RBMS3: variants seen among roughly 807,000 people sequenced by gnomAD.
RBMS3 encodes RNA-binding motif, single-stranded-interacting protein 3.
Under a neutral mutation model 66.8 loss-of-function variants are expected in RBMS3, and 27 were observed. That is an observed-to-expected ratio of 0.40 (90% confidence interval 0.30 to 0.56). The LOEUF (loss-of-function observed/expected upper bound fraction) is 0.56. Ranked by LOEUF, RBMS3 falls within the 20% of genes least tolerant of loss-of-function variation. RBMS3 has a pLI of 0.40. For synonymous variants in RBMS3, 188 were observed against 183.0 expected (o/e 1.03, Z -0.22); for missense variants, 513 against 549.5 (o/e 0.93, Z 0.66).
chr3:29,928,370 A>T (rs200382272), intron 10 of RBMS3, among the ~76,000 whole-genome samples: 1 of 151,020 alleles, frequency 6.6e-6, no homozygotes, highest in Non-Finnish European at 1.5e-5. Flanking sequence ...TTTTCTTTCT[A>T]AAAAAAGTAT....
At chr3:29,706,892 G>A (rs2052921483) in intron 4 of RBMS3, among the ~76,000 whole-genome samples, 1 of 152,140 alleles carries the variant, frequency 6.6e-6, no homozygotes, top group African/African-American at 2.4e-5. Flanking sequence ...TTCTTGGAGT[G>A]GAAGGAAAGG....
chr3:29,574,917 T>C (rs1184918395), intron 3 of RBMS3, among the ~76,000 whole-genome samples: 1 of 152,088 alleles, frequency 6.6e-6, no homozygotes, highest in African/African-American at 2.4e-5. Flanking sequence ...TTTTAACTTT[T>C]TGTTATTTCT....
At chr3:29,919,735 C>T (rs183379804) in intron 10 of RBMS3, among the ~76,000 whole-genome samples, 69 of 152,278 alleles carry the variant, frequency 4.5e-4, no homozygotes, top group Non-Finnish European at 8.2e-4. Flanking sequence ...ATTCTAGCTG[C>T]GGATTCCATT....
intron 1 of RBMS3, among the ~76,000 whole-genome samples, chr3:29,291,318 G>A (rs2032796309): frequency 6.6e-6 from 1 of 151,870 alleles, no homozygotes; most frequent in Non-Finnish European, 1.5e-5. Context: ...AAATATCTCT[G>A]TATTTTAGTA....
chr3:29,884,374 T>C (rs1374466060), intron 8 of RBMS3, 166 bp downstream of exon 8: 4 of 583,190 alleles, frequency 6.9e-6, no homozygotes, highest in Non-Finnish European at 1.2e-5. Context: ...TCCTATAAAT[T>C]ATTCTGACCT....
intron 1 of RBMS3, among the ~76,000 whole-genome samples, chr3:29,408,728 G>A (rs1361717082): frequency 2.0e-5 from 3 of 152,150 alleles, no homozygotes; most frequent in Non-Finnish European, 4.4e-5. Flanking sequence ...GTTATATTGT[G>A]TAATCGCTGT....
intron 10 of RBMS3, among the ~76,000 whole-genome samples, chr3:29,929,337 G>C (rs377360160): frequency 6.6e-6 from 1 of 152,044 alleles, no homozygotes. Context: ...AGGCACAAAC[G>C]TCTAAAGGAT....
chr3:29,564,533 G>A (rs1439400239), intron 3 of RBMS3, among the ~76,000 whole-genome samples: 1 of 150,984 alleles, frequency 6.6e-6, no homozygotes, highest in African/African-American at 2.4e-5. Context: ...GTTACCTTAT[G>A]TACAAATTGG....
At chr3:29,770,170 C>T (rs1030381190) in intron 6 of RBMS3, among the ~76,000 whole-genome samples, 2 of 151,884 alleles carry the variant, frequency 1.3e-5, no homozygotes, top group East Asian at 3.9e-4. Context: ...GCCACTGGAG[C>T]TAGTTAAGCA....
intron 1 of RBMS3, among the ~76,000 whole-genome samples, chr3:29,323,726 A>ACACACACACACC (rs71091051): frequency 1.3e-4 from 18 of 140,604 alleles, no homozygotes; most frequent in Admixed American, 7.0e-4. Flanking sequence ...ACACACACAC[A>ACACACACACACC]CCCCTTGGAC....
intron 1 of RBMS3, among the ~76,000 whole-genome samples, chr3:29,367,996 C>T (rs955067302): frequency 5.9e-5 from 9 of 152,136 alleles, no homozygotes; most frequent in African/African-American, 1.9e-4. Context: ...AACATTGCTA[C>T]ATCTTTCTTT....
chr3:29,444,160 A>G (rs1401441129), intron 2 of RBMS3, among the ~76,000 whole-genome samples: 1 of 152,140 alleles, frequency 6.6e-6, no homozygotes. Context: ...TTTTAAATCC[A>G]TATTGATGAG....
intron 3 of RBMS3, among the ~76,000 whole-genome samples, chr3:29,559,288 A>T (rs1243608287): frequency 1.3e-5 from 2 of 152,020 alleles, no homozygotes; most frequent in African/African-American, 4.8e-5. Flanking sequence ...AGCTCCTACC[A>T]GTCCCCTATA....
chr3:29,928,703 G>A (rs954985564), intron 10 of RBMS3, among the ~76,000 whole-genome samples: 24 of 151,944 alleles, frequency 1.6e-4, no homozygotes, highest in African/African-American at 5.5e-4. Context: ...CCACATTCTG[G>A]GGAATAACTC....
intron 10 of RBMS3, among the ~76,000 whole-genome samples, chr3:29,901,555 C>A (rs890614401): frequency 6.6e-6 from 1 of 151,736 alleles, no homozygotes; most frequent in Non-Finnish European, 1.5e-5. Flanking sequence ...CAAAGCTTTT[C>A]ACACACCTCC....
chr3:29,964,219 T>C (rs1057017028), intron 12 of RBMS3, among the ~76,000 whole-genome samples: 2 of 152,212 alleles, frequency 1.3e-5, no homozygotes, highest in African/African-American at 4.8e-5. Context: ...AAGTATCTAA[T>C]AGAAATAGGG....
At chr3:29,539,942 C>T (rs1055489854) in intron 3 of RBMS3, among the ~76,000 whole-genome samples, 1 of 152,144 alleles carries the variant, frequency 6.6e-6, no homozygotes, top group Non-Finnish European at 1.5e-5. Context: ...TAGGTTTGCT[C>T]AAAGGTTTAG....
At chr3:29,933,828 G>A (rs142745158) in intron 10 of RBMS3, 1 of 152,094 alleles carries the variant, frequency 6.6e-6, no homozygotes, top group African/African-American at 2.4e-5. Context: ...TTTATACACA[G>A]AAGCAACACT....
chr3:29,937,335 T>C (rs2061292245), intron 11 of RBMS3, among the ~76,000 whole-genome samples: 1 of 152,038 alleles, frequency 6.6e-6, no homozygotes, highest in Admixed American at 6.6e-5. Flanking sequence ...GCTGACTCAT[T>C]CTCCAAATAT....
Sources: allele counts gnomAD v4.1 joint callset (sites outside exome capture counted in the v4.1 genomes callset), GRCh38; gene constraint gnomAD v4.1.1; transcripts MANE v1.5; gene names NCBI Gene and HGNC (gene_info 2026-07-23, HGNC 2026-07-21).